SVOPL: variants seen among roughly 807,000 people sequenced by gnomAD.
The protein encoded by SVOPL is SVOP like, also known as putative transporter SVOPL.
In SVOPL, 60 loss-of-function variants were observed where a neutral mutation model predicts 61.0. The ratio of observed to expected loss-of-function variants is 0.98; its 90% CI spans 0.80 to 1.22. The LOEUF (loss-of-function observed/expected upper bound fraction) is 1.22. Among genes scored for constraint, SVOPL ranks in the 50% most tolerant of loss-of-function variants. The probability of loss-of-function intolerance (pLI) is 0.00; values close to 1 mark genes in which losing one functional copy is unlikely to be tolerated. For synonymous variants in SVOPL, 279 were observed against 250.0 expected (o/e 1.12, Z -1.09); for missense variants, 662 against 643.9 (o/e 1.03, Z -0.30).
intron 14 of SVOPL, chr7:138,596,761 C>G: frequency 2.5e-6 from 3 of 1,181,618 alleles, no homozygotes; most frequent in Non-Finnish European, 3.2e-6. Flanking sequence ...CAGGTAAGAC[C>G]TCTCTTGGCA....
intron 3 of SVOPL, 48 bp downstream of exon 3, chr7:138,678,386 T>C: frequency 6.5e-7 from 1 of 1,532,008 alleles, no homozygotes; most frequent in South Asian, 1.2e-5. Context: ...TCTTCAAATA[T>C]TTTACAGAGT....
intron 7 of SVOPL, among the ~76,000 whole-genome samples, chr7:138,655,802 T>C (rs1267670733): frequency 1.3e-5 from 2 of 151,998 alleles, no homozygotes; most frequent in Admixed American, 1.3e-4. Context: ...CAAAAGTGAT[T>C]TCTTGAGATG....
At chr7:138,675,797 TTCTG>T (rs1357898618) in intron 3 of SVOPL, among the ~76,000 whole-genome samples, 4 of 152,140 alleles carry the variant, frequency 2.6e-5, no homozygotes, top group African/African-American at 4.8e-5. Flanking sequence ...TGATTTTCCA[TTCTG>T]TCTGATTATC....
At position 138,637,447 on chromosome 7, in the gene SVOPL, G is replaced by GAT. The variant is rs1482966649; in HGVS notation, c.789+7268_789+7269dup. Among the ~76,000 whole-genome samples the GAT allele has an allele frequency of 5.9e-3, 154 of 26,070 alleles. 1 individual carries two copies. Among genetic ancestry groups the GAT allele is most frequent in the Middle Eastern group, 0.036 (1 of 28 alleles). 17.1% of individuals were successfully genotyped at this position (26,070 alleles called of 152,430 possible). A position where few individuals can be genotyped will look rare whatever the true frequency, so the allele number is the denominator to read the frequency against. On this transcript the variant is annotated intron_variant, in intron 9 of 15. Coordinates refer to ENST00000674285, the MANE Select transcript of SVOPL (RefSeq NM_001139456.2). ...CATCTCATATATATATATATAGATA[G>GAT]ATAGATAGATATATATATATAGATA...
chr7:138,626,087 A>G (rs1488457836), intron 12 of SVOPL, 37 bp from the exon 13 acceptor site: 1 of 1,605,916 alleles, frequency 6.2e-7, no homozygotes, highest in Non-Finnish European at 8.5e-7. Context: ...TATAAAAGGC[A>G]GCATGGAGGA....
At chr7:138,668,684 C>G (rs113078409) in intron 4 of SVOPL, among the ~76,000 whole-genome samples, 1 of 152,160 alleles carries the variant, frequency 6.6e-6, no homozygotes, top group Non-Finnish European at 1.5e-5. Flanking sequence ...GGTGCCACCC[C>G]CAAAGATTAA....
At chr7:138,670,257 AAAGT>A (rs755214621) in intron 4 of SVOPL, among the ~76,000 whole-genome samples, 2 of 152,160 alleles carry the variant, frequency 1.3e-5, no homozygotes, top group Non-Finnish European at 1.5e-5. Flanking sequence ...CCACCTTTAT[AAAGT>A]AATAAAAGGC....
intron 5 of SVOPL, chr7:138,660,202 T>A: frequency 7.6e-7 from 1 of 1,307,588 alleles, no homozygotes; most frequent in South Asian, 1.7e-5. Context: ...TTCAGACCAT[T>A]CTTTAAAACT....
chr7:138,679,331 G>A (rs1210487556), intron 1 of SVOPL, among the ~76,000 whole-genome samples: 2 of 152,014 alleles, frequency 1.3e-5, no homozygotes, highest in Non-Finnish European at 2.9e-5. Context: ...GTTCAGTGGT[G>A]CAATCTCAGC....
intron 4 of SVOPL, among the ~76,000 whole-genome samples, chr7:138,671,123 T>A (rs1001305489): frequency 6.6e-6 from 1 of 152,146 alleles, no homozygotes; most frequent in African/African-American, 2.4e-5. Flanking sequence ...TGGCCCAATG[T>A]TGGGGAGCAG....
At chr7:138,692,217 T>G (rs368393109) in intron 1 of SVOPL, among the ~76,000 whole-genome samples, 108 of 152,334 alleles carry the variant, frequency 7.1e-4, no homozygotes, top group African/African-American at 2.5e-3. Flanking sequence ...CGTCAAGTTT[T>G]GCTACAAAAT....
At chr7:138,661,908 C>G (rs1033318819) in intron 5 of SVOPL, 7 of 985,412 alleles carry the variant, frequency 7.1e-6, no homozygotes, top group Non-Finnish European at 8.4e-6. Context: ...TCTGGCATAG[C>G]TGGCAAGGTT....
intron 9 of SVOPL, among the ~76,000 whole-genome samples, chr7:138,639,883 G>C (rs960430796): frequency 4.0e-5 from 6 of 150,832 alleles, no homozygotes; most frequent in Admixed American, 2.7e-4. Context: ...GAAATAGCTA[G>C]TTGGGACTAC....
At chr7:138,677,743 CTTTT>C (rs34687538) in intron 3 of SVOPL, among the ~76,000 whole-genome samples, 17 of 134,728 alleles carry the variant, frequency 1.3e-4, no homozygotes, top group Non-Finnish European at 2.2e-4. Flanking sequence ...TCTACACAAT[CTTTT>C]TTTTTTTTTT....
At chr7:138,619,211 C>T (rs532576639) in intron 14 of SVOPL, among the ~76,000 whole-genome samples, 2 of 152,118 alleles carry the variant, frequency 1.3e-5, no homozygotes, top group Admixed American at 6.5e-5. Flanking sequence ...AGTTGGAGGC[C>T]AGCCTGAGCA....
At chr7:138,614,773 G>A (rs575075560) in intron 14 of SVOPL, among the ~76,000 whole-genome samples, 78 of 152,288 alleles carry the variant, frequency 5.1e-4, no homozygotes, top group Non-Finnish European at 1.0e-3. Context: ...TGCGACTGAC[G>A]ACAACGGAAG....
At chr7:138,637,477 TATAG>T (rs1266745647) in intron 9 of SVOPL, among the ~76,000 whole-genome samples, 1,368 of 19,508 alleles carry the variant, frequency 0.07, 22 homozygotes, top group East Asian at 0.21. Context: ...TAGATATAGA[TATAG>T]ATATAGATAG....
At chr7:138,627,246 C>T in intron 12 of SVOPL, 104 bp downstream of exon 12, 4 of 821,144 alleles carry the variant, frequency 4.9e-6, no homozygotes, top group Non-Finnish European at 7.9e-6. Context: ...TCTCTACTCT[C>T]CTGGGTGAAA....
chr7:138,672,499 T>G (rs1340682531), intron 3 of SVOPL, among the ~76,000 whole-genome samples: 2 of 152,128 alleles, frequency 1.3e-5, no homozygotes, highest in Non-Finnish European at 2.9e-5. Context: ...TTTGTACTCA[T>G]GATTATGAAG....
Sources: gnomAD v4.1 joint callset for allele counts (sites outside exome capture counted in the v4.1 genomes callset) on GRCh38, gnomAD v4.1.1 for gene constraint, MANE v1.5 for transcripts, NCBI Gene and HGNC (gene_info 2026-07-23, HGNC 2026-07-21) for gene names.